SNTG2: variants seen among roughly 807,000 people sequenced by gnomAD.
SNTG2 encodes gamma-2-syntrophin.
Under a neutral mutation model 70.9 loss-of-function variants are expected in SNTG2, and 74 were observed. That is an observed-to-expected ratio of 1.04 (90% confidence interval 0.86 to 1.27). The LOEUF is 1.27. SNTG2 is among the 50% of genes most tolerant of loss of function. The probability of loss-of-function intolerance (pLI) is 0.00; values close to 1 mark genes in which losing one functional copy is unlikely to be tolerated. For synonymous variants in SNTG2, 278 were observed against 273.8 expected, an observed-to-expected ratio of 1.02 and a Z score of -0.15; for missense variants, 717 against 690.7, an observed-to-expected ratio of 1.04 and a Z score of -0.43.
chr2:1,116,884 G>A (rs1667036507), intron 4 of SNTG2, among the ~76,000 whole-genome samples: 2 of 146,140 alleles, frequency 1.4e-5, no homozygotes, highest in Non-Finnish European at 3.0e-5. Flanking sequence ...GTGCCCTGGT[G>A]TACGGGTGCC....
intron 1 of SNTG2, among the ~76,000 whole-genome samples, chr2:1,080,181 C>A (rs987868080): frequency 1.4e-5 from 2 of 145,668 alleles, no homozygotes; most frequent in African/African-American, 5.7e-5. Flanking sequence ...TGCTCAGATG[C>A]ATCGGTCACT....
At chr2:955,899 C>G (rs1660123780) in intron 1 of SNTG2, among the ~76,000 whole-genome samples, 1 of 152,184 alleles carries the variant, frequency 6.6e-6, no homozygotes, top group Non-Finnish European at 1.5e-5. Context: ...AAGCTGGTGC[C>G]AGGGAGGCCA....
At chr2:1,089,508 C>T (rs879295624) in intron 2 of SNTG2, among the ~76,000 whole-genome samples, 4 of 152,126 alleles carry the variant, frequency 2.6e-5, no homozygotes, top group Non-Finnish European at 4.4e-5. Flanking sequence ...GATGGCAGCT[C>T]CCTGTAATCC....
chr2:1,239,850 A>G, intron 11 of SNTG2, 74 bp downstream of exon 11: 1 of 1,536,680 alleles, frequency 6.5e-7, no homozygotes, highest in East Asian at 2.3e-5. Flanking sequence ...ATGATGTAAC[A>G]CATCTCGAAA....
At position 1,065,754 on chromosome 2, in the gene SNTG2, C is replaced by T. The variant is rs553049475; in HGVS notation, c.73-17764C>T. Among the ~76,000 whole-genome samples, 5 of 152,146 alleles carry T rather than the reference C, an allele frequency of 3.3e-5. No homozygotes were observed. The South Asian group carries it at 1.0e-3, about 32-fold the overall frequency. ...TTTGTATGTCGTTTAGCTAAATGGC[C>T]ATATTAAATAGATATTCTGGAAAGA... is the stretch of plus-strand genomic sequence containing the variant. On this transcript the variant is annotated intron_variant, in intron 1 of 16. Coordinates refer to ENST00000308624, the MANE Select transcript of SNTG2 (RefSeq NM_018968.4).
intron 1 of SNTG2, among the ~76,000 whole-genome samples, chr2:963,817 G>A (rs1660438059): frequency 6.6e-6 from 1 of 152,194 alleles, no homozygotes; most frequent in Non-Finnish European, 1.5e-5. Flanking sequence ...TCGGTACTAA[G>A]TATAAATCCT....
chr2:1,103,537 C>A, intron 4 of SNTG2: 1 of 169,508 alleles, frequency 5.9e-6, no homozygotes, highest in Non-Finnish European at 1.3e-5. Flanking sequence ...TTACAGGCAC[C>A]CGCCACCACG....
At chr2:1,338,840 G>A (rs1012224923) in intron 16 of SNTG2, among the ~76,000 whole-genome samples, 1 of 152,296 alleles carries the variant, frequency 6.6e-6, no homozygotes, top group Admixed American at 6.5e-5. Flanking sequence ...TTACATGCAA[G>A]TATCTGTTCG....
chr2:1,087,990 TTATATC>T (rs1363110299), intron 2 of SNTG2, among the ~76,000 whole-genome samples: 1 of 152,210 alleles, frequency 6.6e-6, no homozygotes, highest in African/African-American at 2.4e-5. Context: ...TTATCTAAAT[TTATATC>T]TATATTTCAC....
intron 16 of SNTG2, among the ~76,000 whole-genome samples, chr2:1,325,053 T>G (rs994006341): frequency 6.6e-6 from 1 of 152,224 alleles, no homozygotes; most frequent in African/African-American, 2.4e-5. Context: ...ACCATGCCAG[T>G]CTTTCCAAGG....
intron 1 of SNTG2, among the ~76,000 whole-genome samples, chr2:1,072,277 G>A (rs1663612288): frequency 6.7e-6 from 1 of 150,030 alleles, no homozygotes. Flanking sequence ...CTCTTATTCT[G>A]GGCTAATGGA....
intron 9 of SNTG2, among the ~76,000 whole-genome samples, chr2:1,235,765 T>G (rs1676609474): frequency 6.6e-6 from 1 of 152,220 alleles, no homozygotes; most frequent in Non-Finnish European, 1.5e-5. Flanking sequence ...CCCAGGCCTT[T>G]GGAGAAGAAC....
intron 1 of SNTG2, among the ~76,000 whole-genome samples, chr2:987,687 CAT>C (rs1464641666): frequency 6.6e-6 from 1 of 152,076 alleles, no homozygotes; most frequent in Non-Finnish European, 1.5e-5. Context: ...TAAGCCACTG[CAT>C]ATGTGGTCCT....
intron 1 of SNTG2, among the ~76,000 whole-genome samples, chr2:1,049,514 C>T (rs1194380714): frequency 1.3e-5 from 2 of 152,106 alleles, no homozygotes; most frequent in Non-Finnish European, 2.9e-5. Flanking sequence ...AATGCTAAAT[C>T]GTATTGTCTG....
At chr2:1,202,636 G>A (rs2147972278) in intron 8 of SNTG2, among the ~76,000 whole-genome samples, 1 of 152,070 alleles carries the variant, frequency 6.6e-6, no homozygotes, top group East Asian at 1.9e-4. Flanking sequence ...TGTCAGACTG[G>A]ATTTTTAAAA....
chr2:1,276,852 A>G (rs1028933489), intron 14 of SNTG2, among the ~76,000 whole-genome samples: 6 of 152,368 alleles, frequency 3.9e-5, no homozygotes, highest in Admixed American at 2.6e-4. Context: ...TCAGAGTATC[A>G]ACATTAGCAG....
At chr2:1,130,728 C>G (rs1485277799) in intron 4 of SNTG2, among the ~76,000 whole-genome samples, 1 of 152,160 alleles carries the variant, frequency 6.6e-6, no homozygotes, top group Non-Finnish European at 1.5e-5. Context: ...AGGCTTGATT[C>G]ATTTGCTAGA....
intron 4 of SNTG2, among the ~76,000 whole-genome samples, chr2:1,105,419 G>T (rs1483368081): frequency 6.6e-6 from 1 of 152,138 alleles, no homozygotes; most frequent in African/African-American, 2.4e-5. Flanking sequence ...TAGATATGGT[G>T]TCCTTCACAC....
chr2:1,342,140 G>A (rs1035148454), intron 16 of SNTG2, among the ~76,000 whole-genome samples: 8 of 152,180 alleles, frequency 5.3e-5, no homozygotes, highest in Admixed American at 2.0e-4. Flanking sequence ...CAGAGCCTTC[G>A]TAGCAAGTCC....
Sources: allele counts gnomAD v4.1 joint callset (sites outside exome capture counted in the v4.1 genomes callset), GRCh38; gene constraint gnomAD v4.1.1; transcripts MANE v1.5; gene names NCBI Gene and HGNC (gene_info 2026-07-23, HGNC 2026-07-21).